Variants in BRINP3 observed in about 807,000 individuals in gnomAD.
BRINP3 encodes BMP/retinoic acid-inducible neural-specific protein 3.
Under a neutral mutation model 71.0 loss-of-function variants are expected in BRINP3, and 19 were observed. The ratio of observed to expected loss-of-function variants is 0.27; its 90% CI spans 0.19 to 0.39. The LOEUF (loss-of-function observed/expected upper bound fraction) is 0.39. Ranked by LOEUF, BRINP3 falls within the 10% of genes least tolerant of loss-of-function variation. The pLI, the probability that BRINP3 is intolerant of heterozygous loss-of-function variation, is 1.00. For synonymous variants in BRINP3, 380 were observed against 337.7 expected (o/e 1.13, Z -1.37); for missense variants, 959 against 940.8 (o/e 1.02, Z -0.25).
chr1:190,320,866 A>C lies in BRINP3; in HGVS notation c.237-39116T>G, dbSNP rs142508544. Among the ~76,000 whole-genome samples the C allele has an allele frequency of 4.5e-3, 686 of 152,170 alleles. 8 individuals are homozygous for C. The highest frequency in any genetic ancestry group is 4.2e-3 in the Non-Finnish European group (284 of 67,984). On this transcript the variant is annotated intron_variant, in intron 2 of 7. Transcript: ENST00000367462. The stretch of plus-strand genomic sequence containing the variant: ...CCACACAGACAGTGGCCCTGGCCAA[A>C]AATTGATTTTGTTAATCATCAACAT...
At chr1:190,202,960 G>C (rs887917414) in intron 6 of BRINP3, among the ~76,000 whole-genome samples, 2 of 152,032 alleles carry the variant, frequency 1.3e-5, no homozygotes, top group East Asian at 3.9e-4. Context: ...AATACAGAAT[G>C]CATGAACAGA....
intron 7 of BRINP3, among the ~76,000 whole-genome samples, chr1:190,157,239 T>A (rs1300168821): frequency 6.6e-6 from 1 of 152,004 alleles, no homozygotes; most frequent in Non-Finnish European, 1.5e-5. Context: ...ATAAATACTA[T>A]ATTTTTCATC....
intron 6 of BRINP3, among the ~76,000 whole-genome samples, chr1:190,185,046 A>G (rs1442391250): frequency 1.3e-5 from 2 of 152,286 alleles, no homozygotes; most frequent in Admixed American, 6.5e-5. Context: ...TGCCTTGCCA[A>G]TTATTTCGTA....
chr1:190,265,039 TGTGA>T lies in BRINP3; in HGVS notation c.440_443del (p.Leu147GlnfsTer9). 1 of 1,607,080 alleles carries T rather than the reference TGTGA, an allele frequency of 6.2e-7. No individual in the cohort carries two copies. Among genetic ancestry groups the T allele is most frequent in the Non-Finnish European group, 8.5e-7 (1 of 1,177,664 alleles). On this transcript the variant is annotated frameshift_variant, in exon 4 of 8. Coordinates refer to ENST00000367462, the MANE Select transcript of BRINP3 (RefSeq NM_199051.3). LOFTEE classifies it high-confidence loss of function. Reference sequence around the variant, plus strand: ...TCAACTTCCGCTTGTCCACAAAAATTGTGAGTGACTCCTCTCCTGCATTAATAAT... The same window carrying T: ...TCAACTTCCGCTTGTCCACAAAAATTGTGACTCCTCTCCTGCATTAATAAT...
At chr1:190,398,320 T>A (rs570970342) in intron 2 of BRINP3, among the ~76,000 whole-genome samples, 1 of 152,088 alleles carries the variant, frequency 6.6e-6, no homozygotes, top group East Asian at 1.9e-4. Flanking sequence ...ATAATCCATA[T>A]CTGATTAACA....
At chr1:190,149,128 A>G (rs1656166889) in intron 7 of BRINP3, among the ~76,000 whole-genome samples, 1 of 152,238 alleles carries the variant, frequency 6.6e-6, no homozygotes, top group Non-Finnish European at 1.5e-5. Context: ...TAAAGCATTT[A>G]GAACAGTGTT....
chr1:190,128,463 G>A (rs1197465959), intron 7 of BRINP3, among the ~76,000 whole-genome samples: 3 of 151,722 alleles, frequency 2.0e-5, no homozygotes, highest in African/African-American at 7.2e-5. Context: ...TACAATTGAT[G>A]ATGTATGTCT....
intron 4 of BRINP3, among the ~76,000 whole-genome samples, chr1:190,261,064 A>C (rs1661142267): frequency 6.6e-6 from 1 of 152,078 alleles, no homozygotes; most frequent in African/African-American, 2.4e-5. Flanking sequence ...TCAGTGCATT[A>C]TTTCTAAAAA....
intron 4 of BRINP3, among the ~76,000 whole-genome samples, chr1:190,249,047 AT>A (rs995038373): frequency 2.7e-5 from 4 of 150,638 alleles, no homozygotes; most frequent in South Asian, 2.1e-4. Flanking sequence ...ATGTGTTGCT[AT>A]TTTTTTTTCT....
chr1:190,150,826 C>T (rs1656325910), intron 7 of BRINP3, among the ~76,000 whole-genome samples: 1 of 152,032 alleles, frequency 6.6e-6, no homozygotes, highest in African/African-American at 2.4e-5. Context: ...AGTCAGATGA[C>T]ACCAATATCA....
intron 7 of BRINP3, among the ~76,000 whole-genome samples, chr1:190,158,613 A>G (rs1275008608): frequency 1.3e-5 from 2 of 152,070 alleles, no homozygotes; most frequent in Admixed American, 1.3e-4. Context: ...ATCTAAAATA[A>G]AAGTTGAAAA....
intron 2 of BRINP3, among the ~76,000 whole-genome samples, chr1:190,330,273 T>C (rs1201513480): frequency 6.6e-6 from 1 of 151,906 alleles, no homozygotes; most frequent in African/African-American, 2.4e-5. Context: ...TATAAGGAAC[T>C]TAAACCAACA....
intron 6 of BRINP3, among the ~76,000 whole-genome samples, chr1:190,165,809 G>T (rs1364965830): frequency 6.6e-6 from 1 of 152,076 alleles, no homozygotes; most frequent in Non-Finnish European, 1.5e-5. Flanking sequence ...ATGTGAGTGA[G>T]AAGAAAGACT....
At chr1:190,288,667 ACTT>A (rs1463126394) in intron 2 of BRINP3, among the ~76,000 whole-genome samples, 1 of 151,980 alleles carries the variant, frequency 6.6e-6, no homozygotes, top group Non-Finnish European at 1.5e-5. Flanking sequence ...AACATGGATT[ACTT>A]CTTAGTAATT....
intron 2 of BRINP3, among the ~76,000 whole-genome samples, chr1:190,350,926 G>A (rs908480518): frequency 1.3e-5 from 2 of 151,578 alleles, no homozygotes; most frequent in Non-Finnish European, 2.9e-5. Flanking sequence ...ATGTTGAAGC[G>A]GTTCTCCTGC....
At chr1:190,372,062 T>G (rs1400991393) in intron 2 of BRINP3, among the ~76,000 whole-genome samples, 1 of 152,104 alleles carries the variant, frequency 6.6e-6, no homozygotes. Context: ...AGTCTTTAGC[T>G]TCAGAAACCA....
chr1:190,156,765 T>C (rs1196103390), intron 7 of BRINP3, among the ~76,000 whole-genome samples: 1 of 152,060 alleles, frequency 6.6e-6, no homozygotes, highest in Non-Finnish European at 1.5e-5. Flanking sequence ...ATTTGACTTA[T>C]TTAATTTAGA....
At chr1:190,281,002 T>C (rs2102934867) in intron 3 of BRINP3, among the ~76,000 whole-genome samples, 1 of 152,028 alleles carries the variant, frequency 6.6e-6, no homozygotes, top group Non-Finnish European at 1.5e-5. Flanking sequence ...TATCACACAA[T>C]AGCTTCCTTA....
chr1:190,297,535 A>C (rs1403123847), intron 2 of BRINP3, among the ~76,000 whole-genome samples: 2 of 152,160 alleles, frequency 1.3e-5, no homozygotes, highest in East Asian at 3.9e-4. Context: ...CAATTTATGA[A>C]GTTGAGGAAT....
Sources: gnomAD v4.1 joint callset for allele counts (sites outside exome capture counted in the v4.1 genomes callset) on GRCh38, gnomAD v4.1.1 for gene constraint, MANE v1.5 for transcripts, NCBI Gene and HGNC (gene_info 2026-07-23, HGNC 2026-07-21) for gene names.